Variants in GPC6 observed in about 807,000 individuals in gnomAD.
The protein encoded by GPC6 is glypican-6.
In GPC6, 14 loss-of-function variants were observed where a neutral mutation model predicts 55.2. The observed-to-expected ratio is 0.25, with a 90% CI of 0.17 to 0.40. GPC6 has a LOEUF of 0.40. Ranked by LOEUF, GPC6 falls within the 10% of genes least tolerant of loss-of-function variation. The pLI, the probability that GPC6 is intolerant of heterozygous loss-of-function variation, is 1.00. For synonymous variants in GPC6, 278 were observed against 259.6 expected (o/e 1.07, Z -0.68); for missense variants, 641 against 708.5 (o/e 0.90, Z 1.08).
At chr13:94,312,426 A>G (rs1876294384) in intron 6 of GPC6, among the ~76,000 whole-genome samples, 2 of 152,188 alleles carry the variant, frequency 1.3e-5, no homozygotes, top group Non-Finnish European at 2.9e-5. Flanking sequence ...TGGTGATAAA[A>G]ATGTTCTTCC....
chr13:93,238,639 C>A (rs1171082350), intron 1 of GPC6, among the ~76,000 whole-genome samples: 1 of 151,932 alleles, frequency 6.6e-6, no homozygotes, highest in Non-Finnish European at 1.5e-5. Flanking sequence ...AGTGGGCATC[C>A]TTGTCTTGTT....
Position 93,244,123 on chromosome 13 carries a change from G to A in GPC6, c.160+16507G>A, listed in dbSNP as rs144368531. On this transcript the variant is annotated intron_variant, in intron 1 of 8. Transcript: ENST00000377047. ...AGTGGGAAATTCCCTGGCCACTGGG[G>A]TAATGTTTCAGAGAGGAATGGAACC... Among the ~76,000 whole-genome samples, 4 of 152,248 alleles carry A rather than the reference G, an allele frequency of 2.6e-5. No individual in the cohort carries two copies. The East Asian group carries it at 7.8e-4, about 30-fold the overall frequency.
chr13:93,796,765 A>C (rs2138930763), intron 2 of GPC6, among the ~76,000 whole-genome samples: 1 of 152,294 alleles, frequency 6.6e-6, no homozygotes, highest in African/African-American at 2.4e-5. Flanking sequence ...TAGGAGAGGA[A>C]TAAAACAACA....
chr13:94,106,233 G>A (rs1265358675), intron 4 of GPC6, among the ~76,000 whole-genome samples: 1 of 152,240 alleles, frequency 6.6e-6, no homozygotes, highest in Non-Finnish European at 1.5e-5. Context: ...AGCTGAAGAT[G>A]TCAATACTGC....
intron 4 of GPC6, among the ~76,000 whole-genome samples, chr13:94,108,678 T>G (rs1456130256): frequency 6.6e-6 from 1 of 151,906 alleles, no homozygotes; most frequent in South Asian, 2.1e-4. Flanking sequence ...CTGTCTCTAC[T>G]AAAAATATAA....
intron 2 of GPC6, among the ~76,000 whole-genome samples, chr13:93,763,728 T>TC (rs1277898386): frequency 2.0e-5 from 3 of 152,174 alleles, no homozygotes; most frequent in Non-Finnish European, 4.4e-5. Flanking sequence ...TTATCTGCTT[T>TC]CCCCCAATAA....
chr13:93,408,576 C>T (rs549924346), intron 1 of GPC6, among the ~76,000 whole-genome samples: 1 of 152,066 alleles, frequency 6.6e-6, no homozygotes, highest in South Asian at 2.1e-4. Flanking sequence ...CAGGGAAGAA[C>T]CAGTGGTGGC....
rs563153461 is a variant in GPC6, at chr13:94,316,489, G to A, written c.1152+10366G>A. Among the ~76,000 whole-genome samples the A allele has an allele frequency of 2.9e-3, 445 of 152,088 alleles. 2 individuals carry two copies. The highest frequency in any genetic ancestry group is 3.9e-3 in the Non-Finnish European group (267 of 67,948). Reference sequence around the variant, plus strand: ...TCCCAGCACTTTGGGAGGCCGAGGCGGGCGGATCACGAGGTCAGGAGATCG... The same window carrying A: ...TCCCAGCACTTTGGGAGGCCGAGGCAGGCGGATCACGAGGTCAGGAGATCG... On this transcript the variant is annotated intron_variant, in intron 6 of 8. Coordinates refer to ENST00000377047, the MANE Select transcript of GPC6 (RefSeq NM_005708.5).
At chr13:94,290,188 G>A (rs537148283) in intron 5 of GPC6, among the ~76,000 whole-genome samples, 11 of 152,164 alleles carry the variant, frequency 7.2e-5, no homozygotes, top group South Asian at 2.1e-4. Flanking sequence ...TTGGGAGGCC[G>A]AGGCAGGAGG....
At chr13:93,812,151 G>C (rs55988011) in intron 2 of GPC6, among the ~76,000 whole-genome samples, 44,217 of 122,862 alleles carry the variant, frequency 0.36, 8,353 homozygotes, top group African/African-American at 0.5. Flanking sequence ...GTGGGGGGGG[G>C]GGCGGGGGGT....
chr13:93,647,732 C>G (rs1421453701), intron 2 of GPC6, among the ~76,000 whole-genome samples: 1 of 152,192 alleles, frequency 6.6e-6, no homozygotes, highest in Non-Finnish European at 1.5e-5. Flanking sequence ...CTTATTGCAA[C>G]TGCAGCTTAT....
intron 1 of GPC6, among the ~76,000 whole-genome samples, chr13:93,420,893 G>A (rs897069192): frequency 1.1e-4 from 17 of 152,022 alleles, no homozygotes; most frequent in African/African-American, 4.1e-4. Flanking sequence ...GACAATACAG[G>A]TAATTCAATG....
intron 3 of GPC6, among the ~76,000 whole-genome samples, chr13:93,861,009 C>A (rs949934559): frequency 6.6e-6 from 1 of 151,490 alleles, no homozygotes; most frequent in Non-Finnish European, 1.5e-5. Context: ...AGTTACATAA[C>A]AGCTCTGTGT....
chr13:93,222,079 T>C (rs142492219), upstream of GPC6, among the ~76,000 whole-genome samples: 593 of 152,358 alleles, frequency 3.9e-3, 3 homozygotes, highest in Non-Finnish European at 6.6e-3. Context: ...TTCAGAGTTA[T>C]TATTTGATTC....
intron 3 of GPC6, among the ~76,000 whole-genome samples, chr13:93,891,498 C>T (rs969148005): frequency 1.4e-4 from 21 of 152,224 alleles, no homozygotes; most frequent in African/African-American, 4.8e-4. Context: ...GTCCCCTCTG[C>T]AGAAACACAG....
intron 2 of GPC6, among the ~76,000 whole-genome samples, chr13:93,682,694 A>G (rs1881893329): frequency 6.6e-6 from 1 of 152,046 alleles, no homozygotes; most frequent in South Asian, 2.1e-4. Context: ...AAAAAAATAT[A>G]TACATCTTTA....
chr13:93,868,961 A>G (rs887822309), intron 3 of GPC6, among the ~76,000 whole-genome samples: 3 of 151,760 alleles, frequency 2.0e-5, no homozygotes, highest in Non-Finnish European at 2.9e-5. Flanking sequence ...TCTATTCTTT[A>G]TGTAGTGCTC....
chr13:93,983,467 A>T (rs1218924832), intron 3 of GPC6, among the ~76,000 whole-genome samples: 2 of 151,642 alleles, frequency 1.3e-5, no homozygotes, highest in Admixed American at 6.6e-5. Flanking sequence ...ATGGGGTCTT[A>T]CTCTGTTGGT....
the GPC6 span, among the ~76,000 whole-genome samples, chr13:93,218,273 A>G: frequency 5.3e-5 from 8 of 152,208 alleles, no homozygotes; most frequent in Non-Finnish European, 1.2e-4. Flanking sequence ...CAGATTGTGA[A>G]GGCAAATAGA....
Sources: gnomAD v4.1 joint callset for allele counts (sites outside exome capture counted in the v4.1 genomes callset) on GRCh38, gnomAD v4.1.1 for gene constraint, MANE v1.5 for transcripts, NCBI Gene and HGNC (gene_info 2026-07-23, HGNC 2026-07-21) for gene names.